The following AK5 variants were observed in gnomAD, a reference collection of about 807,000 sequenced individuals.
AK5 encodes adenylate kinase isoenzyme 5.
In AK5, 27 loss-of-function variants were observed where a neutral mutation model predicts 69.5. The ratio of observed to expected loss-of-function variants is 0.39; its 90% confidence interval spans 0.29 to 0.54. The LOEUF is 0.54. Ranked by LOEUF, AK5 falls within the 20% of genes least tolerant of loss-of-function variation. The pLI, the probability that AK5 is intolerant of heterozygous loss-of-function variation, is 0.71. For missense variants in AK5, 531 were observed against 700.4 expected, an observed-to-expected ratio of 0.76 and a Z score of 2.73; for synonymous variants, 260 against 244.4, an observed-to-expected ratio of 1.06 and a Z score of -0.60.
At chr1:77,444,290 G>GTA (rs56952583) in intron 8 of AK5, among the ~76,000 whole-genome samples, 1 of 49,888 alleles carries the variant, frequency 2.0e-5, no homozygotes, top group Non-Finnish European at 3.6e-5. Context: ...CAACATATGT[G>GTA]TATATATATA....
intron 8 of AK5, among the ~76,000 whole-genome samples, chr1:77,470,221 C>T (rs1334026078): frequency 5.9e-5 from 9 of 152,124 alleles, no homozygotes. Flanking sequence ...TAATGCATCC[C>T]TGGCCGGGCG....
At chr1:77,465,932 G>A (rs926633894) in intron 8 of AK5, among the ~76,000 whole-genome samples, 1 of 152,062 alleles carries the variant, frequency 6.6e-6, no homozygotes, top group Non-Finnish European at 1.5e-5. Flanking sequence ...GAGACAGAAG[G>A]AAACCTCCAG....
At position 77,386,003 on chromosome 1, in the gene AK5, C is replaced by T. The variant is rs114527792; in HGVS notation, c.892-24978C>T. ...AGTAGACTGCTATTTTTCATGAAGC[C>T]TTTTGATATCATATTATCTTTCTTT... On this transcript the variant is annotated intron_variant, in intron 6 of 13. Coordinates refer to ENST00000354567, the MANE Select transcript of AK5 (RefSeq NM_174858.3). Among the ~76,000 whole-genome samples the T allele has an allele frequency of 3.2e-3, 490 of 152,126 alleles. 3 individuals are homozygous for T. Among genetic ancestry groups the T allele is most frequent in the African/African-American group, 0.011 (467 of 41,496 alleles).
chr1:77,327,007 C>T (rs1323194573), intron 5 of AK5, among the ~76,000 whole-genome samples: 1 of 152,128 alleles, frequency 6.6e-6, no homozygotes, highest in Non-Finnish European at 1.5e-5. Context: ...AACAGAATCT[C>T]ATGGGCAATC....
At chr1:77,523,200 T>C (rs6603951) in intron 12 of AK5, among the ~76,000 whole-genome samples, 75,947 of 152,070 alleles carry the variant, frequency 0.5, 21,496 homozygotes, top group Non-Finnish European at 0.64. Context: ...TCCCCTACAC[T>C]TCCTACATGA....
At chr1:77,335,251 CAG>C (rs1413820895) in intron 5 of AK5, among the ~76,000 whole-genome samples, 1 of 151,972 alleles carries the variant, frequency 6.6e-6, no homozygotes, top group African/African-American at 2.4e-5. Flanking sequence ...TAAAAATGGA[CAG>C]AGGAAGATTG....
At chr1:77,305,776 G>T (rs1450554292) in intron 5 of AK5, among the ~76,000 whole-genome samples, 1 of 152,266 alleles carries the variant, frequency 6.6e-6, no homozygotes, top group Non-Finnish European at 1.5e-5. Flanking sequence ...CAGGTAATGT[G>T]ATTCTTCCAG....
intron 5 of AK5, among the ~76,000 whole-genome samples, chr1:77,339,911 C>T (rs1031417451): frequency 6.6e-5 from 10 of 152,054 alleles, no homozygotes; most frequent in African/African-American, 1.2e-4. Flanking sequence ...TGAGCCACCA[C>T]GCCCAGCCAG....
chr1:77,486,326 G>T lies in AK5; in HGVS notation c.1121G>T (p.Arg374Ile). 1 of 1,580,192 alleles carries T rather than the reference G, an allele frequency of 6.3e-7. No individual in the cohort carries two copies. Reference protein sequence around the residue: ...DTMGGFMEDLRKCKIIFIIGG... With the variant: ...DTMGGFMEDLIKCKIIFIIGG... The stretch of plus-strand genomic sequence containing the variant: ...TTTAAAGGTTTCATGGAAGATTTGA[G>T]AAAGTGTAAAATTATTTTCATAATT... The change falls in exon 10 of 14, where the codon AGA becomes ATA. Residue 374 changes from arginine to isoleucine, a missense_variant. Physicochemically the swap from Arg to Ile is moderately conservative, Grantham distance 97 (BLOSUM62 -3). Transcript: ENST00000354567.
At chr1:77,289,510 T>C (rs1319189649) in intron 2 of AK5, among the ~76,000 whole-genome samples, 2 of 152,156 alleles carry the variant, frequency 1.3e-5, no homozygotes, top group South Asian at 2.1e-4. Context: ...ACCTCAGGTA[T>C]ACATTTTAAA....
intron 6 of AK5, among the ~76,000 whole-genome samples, chr1:77,404,062 T>C (rs1261217533): frequency 6.6e-6 from 1 of 152,228 alleles, no homozygotes; most frequent in Non-Finnish European, 1.5e-5. Flanking sequence ...TTGAAGCAAT[T>C]GTGAATGGGA....
rs181918460 is a variant in AK5, at chr1:77,427,528, T to C, written c.1059+9813T>C. On this transcript the variant is annotated intron_variant, in intron 8 of 13. Coordinates refer to ENST00000354567, the MANE Select transcript of AK5 (RefSeq NM_174858.3). Reference sequence around the variant, plus strand: ...CCAAAACAGAAAGCTCTAGGTTCACTGGTGAATTTTACCAAACATTTAAGG... The same window carrying C: ...CCAAAACAGAAAGCTCTAGGTTCACCGGTGAATTTTACCAAACATTTAAGG... Among the ~76,000 whole-genome samples, 46 of 152,300 alleles carry C rather than the reference T, an allele frequency of 3.0e-4. 1 individual carries two copies. The highest frequency in any genetic ancestry group is 1.6e-3 in the Admixed American group (24 of 15,296).
At chr1:77,437,989 C>A (rs1652059428) in intron 8 of AK5, among the ~76,000 whole-genome samples, 2 of 151,958 alleles carry the variant, frequency 1.3e-5, no homozygotes, top group South Asian at 4.2e-4. Context: ...GTTAAATCAC[C>A]CTAAGCAATT....
At chr1:77,292,736 T>C (rs77994857) in intron 2 of AK5, among the ~76,000 whole-genome samples, 3,510 of 152,328 alleles carry the variant, frequency 0.023, 55 homozygotes, top group Middle Eastern at 0.034. Context: ...CCACCAACTG[T>C]GTTATATTTC....
chr1:77,548,815 A>G (rs752788519), intron 13 of AK5, among the ~76,000 whole-genome samples: 4 of 150,936 alleles, frequency 2.7e-5, no homozygotes, highest in Non-Finnish European at 5.9e-5. Context: ...GGGTAGAAAT[A>G]TTATCACTGA....
chr1:77,543,926 TAC>T (rs142574877), intron 13 of AK5, among the ~76,000 whole-genome samples: 3,765 of 146,102 alleles, frequency 0.026, 90 homozygotes, highest in South Asian at 0.11. Context: ...TATGTGAGAG[TAC>T]ACACACACAC....
intron 5 of AK5, among the ~76,000 whole-genome samples, chr1:77,298,227 A>AT (rs369969910): frequency 6.5e-4 from 99 of 151,656 alleles, no homozygotes; most frequent in Admixed American, 1.4e-3. Context: ...TTTTCATACA[A>AT]TTTTTTTTTA....
intron 5 of AK5, among the ~76,000 whole-genome samples, chr1:77,322,777 C>T (rs17100317): frequency 3.3e-5 from 5 of 151,966 alleles, no homozygotes; most frequent in African/African-American, 1.2e-4. Flanking sequence ...TAAAAAAGGT[C>T]GATCTAGTCT....
At chr1:77,364,517 A>G (rs2100446621) in intron 6 of AK5, among the ~76,000 whole-genome samples, 1 of 152,236 alleles carries the variant, frequency 6.6e-6, no homozygotes, top group African/African-American at 2.4e-5. Flanking sequence ...AAATCTCTGT[A>G]TCATCCCCTT....
Sources: gnomAD v4.1 joint callset for allele counts (sites outside exome capture counted in the v4.1 genomes callset) on GRCh38, gnomAD v4.1.1 for gene constraint, MANE v1.5 for transcripts, NCBI Gene and HGNC (gene_info 2026-07-23, HGNC 2026-07-21) for gene names.